The following CSMD3 variants were observed in gnomAD, a reference collection of about 807,000 sequenced individuals.
CSMD3 encodes CUB and sushi domain-containing protein 3.
CSMD3 carries 177 observed loss-of-function variants against 435.2 expected under a neutral mutation model. The observed-to-expected ratio is 0.41, with a 90% CI of 0.36 to 0.46. The LOEUF (loss-of-function observed/expected upper bound fraction) is 0.46, where lower values mean the gene tolerates loss of function less well. CSMD3 is among the 20% of genes least tolerant of loss of function. The pLI, the probability that CSMD3 is intolerant of heterozygous loss-of-function variation, is 0.34. For missense variants in CSMD3, 4,265 were observed against 4,504.6 expected (o/e 0.95, Z 1.52); for synonymous variants, 1,656 against 1,520.5 (o/e 1.09, Z -2.07).
chr8:112,684,470 T>C (rs1162368268), intron 15 of CSMD3, among the ~76,000 whole-genome samples: 1 of 152,058 alleles, frequency 6.6e-6, no homozygotes, highest in Non-Finnish European at 1.5e-5. Flanking sequence ...ACTAAATCCT[T>C]TTATTATGTG....
chr8:112,420,040 T>TG (rs1255544007), intron 32 of CSMD3, among the ~76,000 whole-genome samples: 1 of 152,174 alleles, frequency 6.6e-6, no homozygotes, highest in Non-Finnish European at 1.5e-5. Flanking sequence ...CTTTCATATT[T>TG]TTTTTTACAC....
At chr8:112,410,698 A>G (rs1191013043) in intron 32 of CSMD3, among the ~76,000 whole-genome samples, 9 of 134,574 alleles carry the variant, frequency 6.7e-5, no homozygotes, top group East Asian at 2.1e-4. Context: ...GTATATATAT[A>G]TGTGTATATA....
intron 70 of CSMD3, among the ~76,000 whole-genome samples, chr8:112,225,967 A>C (rs1216577378): frequency 6.6e-6 from 1 of 152,162 alleles, no homozygotes; most frequent in Non-Finnish European, 1.5e-5. Flanking sequence ...ACTTGCTGCT[A>C]TCTGTTTCTG....
At position 112,908,164 on chromosome 8, in the gene CSMD3, C is replaced by T. The variant is rs924845707; in HGVS notation, c.1633+13463G>A. On this transcript the variant is annotated intron_variant, in intron 10 of 70. Coordinates refer to ENST00000297405, the MANE Select transcript of CSMD3 (RefSeq NM_198123.2). ...TATTCAAATAGAACTTTAGGAAATA[C>T]TAGCTTAACGTATTTCATATTCCTA... Among the ~76,000 whole-genome samples, 3 of 151,410 alleles carry T rather than the reference C, an allele frequency of 2.0e-5. No individual in the cohort carries two copies. In the Admixed American group the frequency reaches 2.0e-4, roughly 10 times the overall value.
chr8:112,443,588 T>G (rs1815277136), intron 32 of CSMD3, among the ~76,000 whole-genome samples: 1 of 152,248 alleles, frequency 6.6e-6, no homozygotes, highest in African/African-American at 2.4e-5. Context: ...ATAATTTCTT[T>G]TTATGTTTTT....
At chr8:113,301,393 ATATAT>A (rs1211386887) in intron 2 of CSMD3, among the ~76,000 whole-genome samples, 7 of 152,144 alleles carry the variant, frequency 4.6e-5, no homozygotes, top group South Asian at 2.1e-4. Flanking sequence ...ATTCTAATAA[ATATAT>A]TATGGCAATG....
intron 4 of CSMD3, among the ~76,000 whole-genome samples, chr8:113,111,940 C>G (rs756836959): frequency 2.0e-5 from 3 of 152,062 alleles, no homozygotes; most frequent in Non-Finnish European, 4.4e-5. Context: ...CTCAGCCTCC[C>G]AAAGTGCTGG....
intron 38 of CSMD3, among the ~76,000 whole-genome samples, chr8:112,367,334 A>G (rs1827876669): frequency 1.3e-5 from 2 of 152,132 alleles, no homozygotes; most frequent in Admixed American, 1.3e-4. Context: ...TCCAATTACT[A>G]CAGTTAAATA....
chr8:112,441,991 C>T (rs1815075417), intron 32 of CSMD3, among the ~76,000 whole-genome samples: 3 of 152,078 alleles, frequency 2.0e-5, no homozygotes, highest in Admixed American at 2.0e-4. Flanking sequence ...ATTTGCATTG[C>T]TATAAAGGAA....
At chr8:112,342,130 A>G (rs748708075) in intron 41 of CSMD3, among the ~76,000 whole-genome samples, 1 of 152,174 alleles carries the variant, frequency 6.6e-6, no homozygotes, top group Non-Finnish European at 1.5e-5. Flanking sequence ...TTGCATTAGA[A>G]GTTATTCATT....
chr8:113,154,802 G>C (rs560118853), intron 4 of CSMD3, among the ~76,000 whole-genome samples: 1 of 152,032 alleles, frequency 6.6e-6, no homozygotes, highest in East Asian at 2.0e-4. Flanking sequence ...CCATTTGATG[G>C]AGAAATTTTG....
At chr8:112,257,582 A>C (rs977813833) in intron 61 of CSMD3, among the ~76,000 whole-genome samples, 4 of 152,228 alleles carry the variant, frequency 2.6e-5, no homozygotes, top group Non-Finnish European at 5.9e-5. Flanking sequence ...AAGGGATGTG[A>C]AGGACCTCTT....
intron 3 of CSMD3, among the ~76,000 whole-genome samples, chr8:113,207,163 T>A (rs577264284): frequency 6.6e-6 from 1 of 152,270 alleles, no homozygotes; most frequent in Admixed American, 6.5e-5. Context: ...ATTCTTCTTA[T>A]CTTTCTTCAT....
intron 13 of CSMD3, among the ~76,000 whole-genome samples, chr8:112,694,195 G>C (rs988279703): frequency 2.0e-5 from 3 of 151,940 alleles, no homozygotes; most frequent in Admixed American, 6.6e-5. Context: ...GAGAGTAGCA[G>C]AGTGAACTTT....
intron 3 of CSMD3, among the ~76,000 whole-genome samples, chr8:113,263,128 A>C (rs2093440314): frequency 6.6e-6 from 1 of 152,046 alleles, no homozygotes; most frequent in Non-Finnish European, 1.5e-5. Flanking sequence ...AGTTACGACC[A>C]AAAGAGCACA....
At chr8:112,326,981 C>T (rs529733897) in intron 45 of CSMD3, among the ~76,000 whole-genome samples, 129 of 152,068 alleles carry the variant, frequency 8.5e-4, no homozygotes, top group Middle Eastern at 3.4e-3. Context: ...GAGCTTGTGC[C>T]GCTGCACTCC....
At chr8:112,824,449 T>C (rs1410626837) in intron 12 of CSMD3, among the ~76,000 whole-genome samples, 1 of 152,226 alleles carries the variant, frequency 6.6e-6, no homozygotes, top group Non-Finnish European at 1.5e-5. Flanking sequence ...TACTTGTCTT[T>C]CCTTTCCATA....
chr8:112,660,054 C>T (rs1319392376), intron 17 of CSMD3, among the ~76,000 whole-genome samples: 1 of 152,000 alleles, frequency 6.6e-6, no homozygotes, highest in Non-Finnish European at 1.5e-5. Context: ...AAGTAAGTGA[C>T]ATGACTCTGT....
chr8:112,339,800 T>C (rs1400881132), intron 42 of CSMD3, among the ~76,000 whole-genome samples: 2 of 152,204 alleles, frequency 1.3e-5, no homozygotes, highest in African/African-American at 4.8e-5. Flanking sequence ...AATATATATG[T>C]TAACTATTTC....
Sources: gnomAD v4.1 joint callset for allele counts (sites outside exome capture counted in the v4.1 genomes callset) on GRCh38, gnomAD v4.1.1 for gene constraint, MANE v1.5 for transcripts, NCBI Gene and HGNC (gene_info 2026-07-23, HGNC 2026-07-21) for gene names.